The following FIGNL2 variants were observed in gnomAD, a reference collection of about 807,000 sequenced individuals.
FIGNL2 encodes fidgetin-like protein 2.
For synonymous variants in FIGNL2, 565 were observed against 484.0 expected (o/e 1.17, Z -2.20); for missense variants, 1,060 against 950.2 (o/e 1.12, Z -1.52).
At position 51,842,951 on chromosome 12, in the gene FIGNL2, C is replaced by T. The variant is rs117297677; in HGVS notation, c.-12+5589G>A. Among the ~76,000 whole-genome samples the T allele has an allele frequency of 3.0e-3, 459 of 152,346 alleles. 4 individuals are homozygous for T. The highest frequency in any genetic ancestry group is 5.5e-3 in the Non-Finnish European group (377 of 68,036). On this transcript the variant is annotated intron_variant, in intron 1 of 1. Transcript: ENST00000618634. ...ATAATGGTTGCTGGATGAATAGCTA[C>T]CTGGATAAAATATTCAAGGCCTCAC...
chr12:51,823,328 C>T (rs1939266600), intron 1 of FIGNL2: 1 of 152,208 alleles, frequency 6.6e-6, no homozygotes, highest in South Asian at 2.1e-4. Flanking sequence ...CTCTGAGCTT[C>T]CCAGTAGCCA....
At chr12:51,823,668 A>C (rs981829301) in intron 1 of FIGNL2, 1 of 152,242 alleles carries the variant, frequency 6.6e-6, no homozygotes, top group African/African-American at 2.4e-5. Context: ...GGCCCATGGC[A>C]CACCCAGCAA....
Position 51,821,823 on chromosome 12 carries a change from C to T in FIGNL2, c.591G>A (p.Gly197=). 7.8e-7 allele frequency: 1 copy of T among 1,276,870 alleles called. No homozygotes were observed. The highest frequency in any genetic ancestry group is 3.3e-5 in the East Asian group (1 of 30,624). 79.1% of individuals were successfully genotyped at this position (1,276,870 alleles called of 1,614,324 possible). The change falls in exon 2 of 2, where the codon GGG becomes GGA. Residue 197 remains glycine (G), a synonymous_variant. Transcript: ENST00000618634. Reference sequence around the variant, plus strand: ...GATAGTTGTACAGCGGCGCTGAGGGCCCGTACCCCGGAGGCGGTGGGGGCT... The same window carrying T: ...GATAGTTGTACAGCGGCGCTGAGGGTCCGTACCCCGGAGGCGGTGGGGGCT... ...LLQPPPPPGY[G]PSAPLYNYPA...
At chr12:51,823,836 T>C (rs1038835528) in intron 1 of FIGNL2, among the ~76,000 whole-genome samples, 1 of 152,118 alleles carries the variant, frequency 6.6e-6, no homozygotes, top group African/African-American at 2.4e-5. Context: ...GAAAGGTGAA[T>C]AGGATGGGTC....
intron 1 of FIGNL2, chr12:51,831,912 C>T (rs1376541803): frequency 6.5e-6 from 1 of 153,032 alleles, no homozygotes; most frequent in Non-Finnish European, 1.5e-5. Flanking sequence ...GTCCCCATAG[C>T]TCACTGCAGC....
chr12:51,824,896 T>A (rs925459296), intron 1 of FIGNL2, among the ~76,000 whole-genome samples: 1 of 152,026 alleles, frequency 6.6e-6, no homozygotes, highest in Non-Finnish European at 1.5e-5. Flanking sequence ...ATACAAAAAT[T>A]AGCCGGGCGT....
intron 1 of FIGNL2, among the ~76,000 whole-genome samples, chr12:51,830,667 A>G (rs1356186537): frequency 6.6e-6 from 1 of 151,356 alleles, no homozygotes; most frequent in South Asian, 2.1e-4. Context: ...AATTTTCTGT[A>G]TTTTTAGTAG....
chr12:51,845,409 G>A, intron 1 of FIGNL2: 2 of 955,660 alleles, frequency 2.1e-6, no homozygotes, highest in Non-Finnish European at 2.5e-6. Context: ...ACCAGCCCAA[G>A]GCTAAGGTAG....
intron 1 of FIGNL2, among the ~76,000 whole-genome samples, chr12:51,829,643 CTG>C (rs962074024): frequency 1.3e-5 from 2 of 152,140 alleles, no homozygotes; most frequent in African/African-American, 4.8e-5. Context: ...GTGCCAGCCA[CTG>C]TGTGCCAGCT....
In FIGNL2 at chr12:51,821,746, G is replaced by C; in HGVS notation, c.668C>G (p.Pro223Arg). 1 of 1,286,948 alleles carries C rather than the reference G, an allele frequency of 7.8e-7. No individual in the cohort carries two copies. The highest frequency in any genetic ancestry group is 9.8e-7 in the Non-Finnish European group (1 of 1,024,134). 79.7% of individuals were successfully genotyped at this position (1,286,948 alleles called of 1,614,324 possible). A position where few individuals can be genotyped will look rare whatever the true frequency, so the allele number is the denominator to read the frequency against. ...QPGYGALPPP[P>R]GPPPAPYLTP... The stretch of plus-strand genomic sequence containing the variant: ...CAGGTAGGGGGCCGGGGGTGGGCCT[G>C]GGGGCGGCGGGAGCGCGCCATAGCC... Residue 223 changes from proline to arginine, a missense_variant, in exon 2 of 2, where the codon CCA becomes CGA. Physicochemically the swap from Pro to Arg is moderately radical, Grantham distance 103. Coordinates refer to ENST00000618634, the MANE Select transcript of FIGNL2 (RefSeq NM_001384995.1).
intron 1 of FIGNL2, among the ~76,000 whole-genome samples, chr12:51,833,532 G>A (rs756941731): frequency 1.3e-5 from 2 of 152,086 alleles, no homozygotes; most frequent in Non-Finnish European, 2.9e-5. Flanking sequence ...CCTCATGGTC[G>A]GCTTCCATTA....
At position 51,822,492 on chromosome 12, in the gene FIGNL2, A is replaced by G. The variant is rs1037763349; in HGVS notation, c.-11-68T>C. ...AGGACCCAGTGGGCCACTGCTAGCC[A>G]TAGGCCAGTCCGCCTAGACTGCGGC... is the stretch of plus-strand genomic sequence containing the variant. On this transcript the variant is annotated intron_variant, in intron 1 of 1. Transcript: ENST00000618634. The G allele has an allele frequency of 9.5e-6, 15 of 1,572,408 alleles. No individual in the cohort carries two copies. In the African/African-American group the frequency reaches 1.6e-4, roughly 17 times the overall value.
At chr12:51,832,968 C>T (rs1002675124) in intron 1 of FIGNL2, among the ~76,000 whole-genome samples, 1 of 152,200 alleles carries the variant, frequency 6.6e-6, no homozygotes, top group Non-Finnish European at 1.5e-5. Flanking sequence ...CTCTTCAGAA[C>T]AGCAAATTAG....
At position 51,821,802 on chromosome 12, in the gene FIGNL2, G is replaced by C; in HGVS notation, c.612C>G (p.Asn204Lys). ...GCGCTGCGTAGCCCCCTGCGGGATA[G>C]TTGTACAGCGGCGCTGAGGGCCCGT... is the stretch of plus-strand genomic sequence containing the variant. ...PGYGPSAPLY[N>K]YPAGGYAAQP... is the part of the protein sequence containing the mutation. The change falls in exon 2 of 2, where the codon AAC (asparagine) becomes AAG (lysine). Residue 204 changes from asparagine to lysine, a missense_variant. Transcript: ENST00000618634. 3.9e-6 allele frequency: 5 copies of C among 1,276,138 alleles called. No homozygotes were observed. The South Asian group carries it at 1.5e-4, about 37-fold the overall frequency. 79.1% of individuals were successfully genotyped at this position (1,276,138 alleles called of 1,614,324 possible).
At chr12:51,829,921 GA>G (rs1191328321) in intron 1 of FIGNL2, among the ~76,000 whole-genome samples, 1 of 152,114 alleles carries the variant, frequency 6.6e-6, no homozygotes, top group African/African-American at 2.4e-5. Flanking sequence ...AAAATTTCAG[GA>G]GGAGTAAGTT....
rs1022370784 is a variant in FIGNL2, at chr12:51,820,722, C to T, written c.1692G>A (p.Gly564=). Residue 564 remains glycine (G), a synonymous_variant, in exon 2 of 2, where the codon GGG becomes GGA. Transcript: ENST00000618634. Reference sequence around the variant, plus strand: ...GGGCCAGCGCCCGCTGCAGGATCTGCCCGCGGGCCGGGCTGTCGGGCAGCG... The same window carrying T: ...GGGCCAGCGCCCGCTGCAGGATCTGTCCGCGGGCCGGGCTGTCGGGCAGCG... ...YVALPDSPAR[G]QILQRALAQQ... 14 of 1,480,746 alleles carry T rather than the reference C, an allele frequency of 9.5e-6. No individual in the cohort carries two copies. The African/African-American group carries it at 1.6e-4, about 17-fold the overall frequency. The allele number at this position is 1,480,746 out of a possible 1,614,324, so 91.7% of individuals were successfully genotyped here. A position where few individuals can be genotyped will look rare whatever the true frequency, so the allele number is the denominator to read the frequency against.
chr12:51,847,386 A>ACTC lies in FIGNL2; in HGVS notation c.-12+1151_-12+1153dup, dbSNP rs1439085842. On this transcript the variant is annotated intron_variant, in intron 1 of 1. Coordinates refer to ENST00000618634, the MANE Select transcript of FIGNL2 (RefSeq NM_001384995.1). ...AGAGTTGGGCTGGAACCGGGTCCCCACTCCTCGCTGCCGGGCGGAAAGCAG... is the reference window on the plus strand; with the variant it reads ...AGAGTTGGGCTGGAACCGGGTCCCCACTCCTCCTCGCTGCCGGGCGGAAAGCAG... 4 of 985,206 alleles carry ACTC rather than the reference A, an allele frequency of 4.1e-6. No homozygotes were observed. In the East Asian group the frequency reaches 4.5e-4, roughly 112 times the overall value. The allele number at this position is 985,206 out of a possible 1,614,324, so 61.0% of individuals were successfully genotyped here.
intron 1 of FIGNL2, among the ~76,000 whole-genome samples, chr12:51,845,087 G>A (rs1939722317): frequency 6.6e-6 from 1 of 152,178 alleles, no homozygotes; most frequent in Admixed American, 6.5e-5. Flanking sequence ...TAACGGAAGT[G>A]CATTTTTCTG....
chr12:51,834,472 T>C (rs1265926887), intron 1 of FIGNL2, among the ~76,000 whole-genome samples: 1 of 152,190 alleles, frequency 6.6e-6, no homozygotes, highest in African/African-American at 2.4e-5. Flanking sequence ...CAAAGGTCTC[T>C]GGACACATGG....
Sources: allele counts gnomAD v4.1 joint callset (sites outside exome capture counted in the v4.1 genomes callset), GRCh38; gene constraint gnomAD v4.1.1; transcripts MANE v1.5; gene names NCBI Gene and HGNC (gene_info 2026-07-23, HGNC 2026-07-21).